The following RASA2 variants were observed in gnomAD, a reference collection of about 807,000 sequenced individuals.
The protein encoded by RASA2 is ras GTPase-activating protein 2.
In RASA2, 155 loss-of-function variants were observed where a neutral mutation model predicts 118.2. The ratio of observed to expected loss-of-function variants is 1.31; its 90% CI spans 1.15 to 1.50. The LOEUF (loss-of-function observed/expected upper bound fraction) is 1.50, where lower values mean the gene tolerates loss of function less well. Ranked by LOEUF, RASA2 falls within the 40% of genes most tolerant of loss-of-function variation. The probability of loss-of-function intolerance (pLI) is 0.00; values close to 1 mark genes in which losing one functional copy is unlikely to be tolerated. For missense variants in RASA2, 1,016 were observed against 1,009.6 expected, an observed-to-expected ratio of 1.01 and a Z score of -0.09; for synonymous variants, 353 against 349.1, an observed-to-expected ratio of 1.01 and a Z score of -0.12.
intron 3 of RASA2, among the ~76,000 whole-genome samples, chr3:141,528,928 C>T (rs1019235786): frequency 6.6e-6 from 1 of 151,756 alleles, no homozygotes; most frequent in South Asian, 2.1e-4. Flanking sequence ...TGTGTAGAAT[C>T]CTGGAATAAA....
In RASA2 at chr3:141,507,479, C is replaced by CT. The variant is rs538578639; in HGVS notation, c.134-4680dup. ...ATTGCCTCTTTTAGGATCAGAAAGA[C>CT]TTTTGCAGAATTGTGAAACTGTAAC... On this transcript the variant is annotated intron_variant, in intron 1 of 23. Coordinates refer to ENST00000286364, the MANE Select transcript of RASA2 (RefSeq NM_006506.5). 1.9e-4 allele frequency among the ~76,000 whole-genome samples: 29 copies of CT among 152,250 alleles called. 1 individual carries two copies. The South Asian group carries it at 6.0e-3, about 32-fold the overall frequency.
At chr3:141,491,788 C>T (rs2081642229) in intron 1 of RASA2, among the ~76,000 whole-genome samples, 1 of 152,084 alleles carries the variant, frequency 6.6e-6, no homozygotes, top group African/African-American at 2.4e-5. Flanking sequence ...AATATTGTTA[C>T]TAATTGGTCC....
At chr3:141,497,410 CTA>C (rs1329120544) in intron 1 of RASA2, among the ~76,000 whole-genome samples, 5 of 151,570 alleles carry the variant, frequency 3.3e-5, no homozygotes, top group African/African-American at 1.2e-4. Context: ...TCAAAAGTAA[CTA>C]TTTATATAAA....
chr3:141,602,288 G>A (rs2083476242), intron 19 of RASA2, among the ~76,000 whole-genome samples: 1 of 152,140 alleles, frequency 6.6e-6, no homozygotes, highest in South Asian at 2.1e-4. Flanking sequence ...GACTGGTGGG[G>A]GGTCATGTAT....
intron 4 of RASA2, among the ~76,000 whole-genome samples, chr3:141,537,694 G>A (rs577978370): frequency 2.0e-4 from 31 of 152,168 alleles, no homozygotes; most frequent in African/African-American, 6.5e-4. Context: ...GCTTGAACCC[G>A]GGAGGCAGAG....
chr3:141,519,974 G>A (rs879384798), intron 3 of RASA2, among the ~76,000 whole-genome samples: 5 of 150,462 alleles, frequency 3.3e-5, no homozygotes, highest in African/African-American at 4.9e-5. Context: ...ACATAGGTAG[G>A]AAAAAGAAGA....
intron 6 of RASA2, among the ~76,000 whole-genome samples, chr3:141,554,896 T>G (rs764037163): frequency 6.6e-6 from 1 of 152,228 alleles, no homozygotes; most frequent in Non-Finnish European, 1.5e-5. Flanking sequence ...TTTTGTTTTT[T>G]TTAATAATCT....
In RASA2 at chr3:141,572,061, T is replaced by TATATATATATATATAC. The variant is rs1250945462; in HGVS notation, c.1169+508_1169+509insTATATATATATATACA. ...ATATATATATATATATATATATATATACACACACACACACACATATGTATT... is the reference window on the plus strand; with the variant it reads ...ATATATATATATATATATATATATATATATATATATATATACACACACACACACACACATATGTATT... On this transcript the variant is annotated intron_variant, in intron 11 of 23. Transcript: ENST00000286364. Among the ~76,000 whole-genome samples, 5 of 98,264 alleles carry TATATATATATATATAC rather than the reference T, an allele frequency of 5.1e-5. No individual in the cohort carries two copies. The East Asian group carries it at 8.5e-4, about 17-fold the overall frequency. 64.5% of individuals were successfully genotyped at this position (98,264 alleles called of 152,430 possible). A position where few individuals can be genotyped will look rare whatever the true frequency, so the allele number is the denominator to read the frequency against.
Position 141,580,555 on chromosome 3 carries a change from T to TACACAC in RASA2, c.1674+122_1674+127dup, listed in dbSNP as rs10663136. 113,499 of 579,674 alleles carry TACACAC rather than the reference T, an allele frequency of 0.2. 9,004 individuals are homozygous for TACACAC. Among genetic ancestry groups the TACACAC allele is most frequent in the Non-Finnish European group, 0.22 (74,095 of 330,982 alleles). The allele number at this position is 579,674 out of a possible 1,614,324, so 35.9% of individuals were successfully genotyped here. Reference sequence around the variant, plus strand: ...CTTCTTCCAAATTAAAAACAAAACATACACACACACACACACACACACAGA... The same window carrying TACACAC: ...CTTCTTCCAAATTAAAAACAAAACATACACACACACACACACACACACACACACAGA... On this transcript the variant is annotated intron_variant, in intron 16 of 23. Coordinates refer to ENST00000286364, the MANE Select transcript of RASA2 (RefSeq NM_006506.5).
intron 5 of RASA2, among the ~76,000 whole-genome samples, chr3:141,547,889 T>C (rs1416055620): frequency 6.6e-6 from 1 of 152,154 alleles, no homozygotes; most frequent in Non-Finnish European, 1.5e-5. Context: ...GTTTTATTAT[T>C]ATGAAGGACT....
intron 1 of RASA2, among the ~76,000 whole-genome samples, chr3:141,496,558 G>T (rs2081705490): frequency 1.3e-5 from 2 of 152,220 alleles, no homozygotes; most frequent in South Asian, 4.1e-4. Flanking sequence ...ACAGACATAT[G>T]AAATAATGCT....
chr3:141,547,212 A>ATT (rs796081865), intron 5 of RASA2, among the ~76,000 whole-genome samples: 2 of 148,900 alleles, frequency 1.3e-5, no homozygotes, highest in African/African-American at 4.9e-5. Flanking sequence ...AAATTTTGGG[A>ATT]TTTTTTTTTT....
intron 19 of RASA2, among the ~76,000 whole-genome samples, chr3:141,589,261 A>C (rs914689194): frequency 6.6e-6 from 1 of 152,374 alleles, no homozygotes; most frequent in South Asian, 2.1e-4. Flanking sequence ...CATTAATAGT[A>C]CATTTAAATA....
Position 141,614,806 on chromosome 3 carries a change from T to C in RASA2, c.*2493T>C, listed in dbSNP as rs758150370. 9.6e-4 allele frequency: 146 copies of C among 152,226 alleles called. 1 individual carries two copies. The highest frequency in any genetic ancestry group is 4.6e-4 in the Non-Finnish European group (31 of 68,036). The allele number at this position is 152,226 out of a possible 1,614,324, so 9.4% of individuals were successfully genotyped here. A position where few individuals can be genotyped will look rare whatever the true frequency, so the allele number is the denominator to read the frequency against. On this transcript the variant is annotated 3_prime_UTR_variant, in exon 24 of 24. Coordinates refer to ENST00000286364, the MANE Select transcript of RASA2 (RefSeq NM_006506.5). Reference sequence around the variant, plus strand: ...TAATTTATCAAATTGAACTATTTTATTTGCCAAAGAAACTTGTTTTTAATA... The same window carrying C: ...TAATTTATCAAATTGAACTATTTTACTTGCCAAAGAAACTTGTTTTTAATA...
intron 19 of RASA2, among the ~76,000 whole-genome samples, chr3:141,599,451 T>C (rs2083429727): frequency 6.6e-6 from 1 of 152,182 alleles, no homozygotes; most frequent in Non-Finnish European, 1.5e-5. Context: ...AAGTTTTAAA[T>C]TTAGACTTGT....
At chr3:141,554,488 G>A (rs1456106787) in intron 6 of RASA2, among the ~76,000 whole-genome samples, 2 of 152,104 alleles carry the variant, frequency 1.3e-5, no homozygotes, top group East Asian at 1.9e-4. Context: ...ATAATAATTT[G>A]TGAAAAAACC....
intron 1 of RASA2, among the ~76,000 whole-genome samples, chr3:141,500,279 G>A (rs2081760446): frequency 6.6e-6 from 1 of 152,108 alleles, no homozygotes; most frequent in Admixed American, 6.5e-5. Flanking sequence ...ACTCTGAAGG[G>A]GGTAAATTTG....
At chr3:141,561,858 T>C (rs1020641048) in intron 9 of RASA2, among the ~76,000 whole-genome samples, 3 of 152,236 alleles carry the variant, frequency 2.0e-5, no homozygotes, top group South Asian at 2.1e-4. Flanking sequence ...AAGCACTTTA[T>C]ACATGATTTT....
At chr3:141,586,183 G>C in intron 18 of RASA2, 85 bp downstream of exon 18, 5 of 1,287,532 alleles carry the variant, frequency 3.9e-6, no homozygotes, top group Non-Finnish European at 4.3e-6. Flanking sequence ...AGAGTGAGGA[G>C]ATCTGGCTTT....
Sources: gnomAD v4.1 joint callset for allele counts (sites outside exome capture counted in the v4.1 genomes callset) on GRCh38, gnomAD v4.1.1 for gene constraint, MANE v1.5 for transcripts, NCBI Gene and HGNC (gene_info 2026-07-23, HGNC 2026-07-21) for gene names.